TENM2: variants seen among roughly 807,000 people sequenced by gnomAD.
The protein encoded by TENM2 is teneurin-2.
A neutral mutation model predicts 245.2 loss-of-function variants in TENM2; 52 were observed. The observed-to-expected ratio is 0.21, with a 90% confidence interval of 0.17 to 0.27. TENM2 has a LOEUF of 0.27. Ranked by LOEUF, TENM2 falls within the 10% of genes least tolerant of loss-of-function variation. The probability of loss-of-function intolerance (pLI) is 1.00; values close to 1 mark genes in which losing one functional copy is unlikely to be tolerated. For synonymous variants in TENM2, 1,363 were observed against 1,438.9 expected, an observed-to-expected ratio of 0.95 and a Z score of 1.19; for missense variants, 3,046 against 3,666.8, an observed-to-expected ratio of 0.83 and a Z score of 4.37.
chr5:167,250,283 T>A, the TENM2 span, among the ~76,000 whole-genome samples: 2 of 151,986 alleles, frequency 1.3e-5, no homozygotes, highest in East Asian at 3.9e-4. Flanking sequence ...ATACTGCCAC[T>A]GCACTCCAGC....
At chr5:167,770,086 G>T (rs7736522) in intron 2 of TENM2, among the ~76,000 whole-genome samples, 4,607 of 152,244 alleles carry the variant, frequency 0.03, 252 homozygotes, top group African/African-American at 0.11. Flanking sequence ...ATTGCATCAG[G>T]ATAGCACTAA....
At chr5:167,321,114 A>G (rs999961440) in intron 1 of TENM2, among the ~76,000 whole-genome samples, 3 of 152,210 alleles carry the variant, frequency 2.0e-5, no homozygotes, top group Non-Finnish European at 4.4e-5. Context: ...AAATTGCTAG[A>G]TAAGTCAGAA....
exon 10 of TENM2, chr5:168,118,475 A>G (rs1795246275): frequency 3.2e-6 from 5 of 1,546,570 alleles, no homozygotes; most frequent in East Asian, 2.3e-5. Flanking sequence ...AAAGGCGAGC[A>G]CTGTGAGGAA....
chr5:167,771,631 A>G (rs966686125), intron 2 of TENM2, among the ~76,000 whole-genome samples: 6 of 152,188 alleles, frequency 3.9e-5, no homozygotes, highest in African/African-American at 1.4e-4. Flanking sequence ...ATTCATAGGC[A>G]ACAGTCTCAT....
At chr5:167,845,165 T>C (rs1046809659) in intron 2 of TENM2, among the ~76,000 whole-genome samples, 2 of 151,982 alleles carry the variant, frequency 1.3e-5, no homozygotes, top group South Asian at 2.1e-4. Context: ...CACAGACGTT[T>C]TTGTTTTAAT....
intron 2 of TENM2, among the ~76,000 whole-genome samples, chr5:167,515,779 C>T (rs987015853): frequency 2.0e-5 from 3 of 149,234 alleles, no homozygotes; most frequent in African/African-American, 7.4e-5. Flanking sequence ...CATTCTCCTG[C>T]CTCAGCCTCC....
chr5:167,132,429 G>A, the TENM2 span, among the ~76,000 whole-genome samples: 929 of 152,256 alleles, frequency 6.1e-3, 4 homozygotes, highest in Non-Finnish European at 0.01. Context: ...GGGAGAGAGA[G>A]AGTGAGATGG....
chr5:167,984,542 G>A (rs1291744497), intron 4 of TENM2, among the ~76,000 whole-genome samples: 1 of 152,122 alleles, frequency 6.6e-6, no homozygotes, highest in Admixed American at 6.6e-5. Flanking sequence ...TGTAACCCCA[G>A]CTACTTGGGA....
At position 167,334,008 on chromosome 5, in the gene TENM2, T is replaced by C. The variant is rs142142040; in HGVS notation, c.227-41190T>C. Among the ~76,000 whole-genome samples, 89 of 152,342 alleles carry C rather than the reference T, an allele frequency of 5.8e-4. 1 individual carries two copies. The highest frequency in any genetic ancestry group is 1.9e-3 in the African/African-American group (77 of 41,582). The stretch of plus-strand genomic sequence containing the variant: ...GTATTTTGTAACTAAATATATAGCA[T>C]GTAAATATTTAAATAAGAATACACT... On this transcript the variant is annotated intron_variant, in intron 1 of 28. Coordinates refer to ENST00000518659, the Ensembl canonical transcript of TENM2.
chr5:167,413,132 A>G (rs979541610), intron 2 of TENM2, among the ~76,000 whole-genome samples: 18 of 152,016 alleles, frequency 1.2e-4, no homozygotes, highest in African/African-American at 7.2e-5. Context: ...ACCCTGGTTT[A>G]TTTATTTATT....
chr5:167,156,419 G>A, the TENM2 span, among the ~76,000 whole-genome samples: 2 of 152,106 alleles, frequency 1.3e-5, no homozygotes, highest in Non-Finnish European at 2.9e-5. Flanking sequence ...TGGTAAAAGT[G>A]GCATTTAAAA....
chr5:167,757,522 T>C (rs1253095957), intron 2 of TENM2, among the ~76,000 whole-genome samples: 1 of 152,218 alleles, frequency 6.6e-6, no homozygotes, highest in Non-Finnish European at 1.5e-5. Flanking sequence ...TGCAAGTCTT[T>C]GCTATTGTGA....
At chr5:167,813,636 A>G (rs1766811441) in intron 2 of TENM2, among the ~76,000 whole-genome samples, 1 of 152,038 alleles carries the variant, frequency 6.6e-6, no homozygotes, top group Admixed American at 6.6e-5. Flanking sequence ...GAAGCCTTCA[A>G]CCACTGGCCC....
intron 3 of TENM2, among the ~76,000 whole-genome samples, chr5:167,884,114 C>T (rs1774094822): frequency 6.6e-6 from 1 of 152,178 alleles, no homozygotes; most frequent in South Asian, 2.1e-4. Flanking sequence ...TCTACAAGTC[C>T]TAAAGCTGTT....
intron 2 of TENM2, among the ~76,000 whole-genome samples, chr5:167,746,550 T>C (rs1761576527): frequency 6.6e-6 from 1 of 152,144 alleles, no homozygotes; most frequent in Non-Finnish European, 1.5e-5. Flanking sequence ...TGGAACCAAC[T>C]GCACATATAA....
intron 27 of TENM2, among the ~76,000 whole-genome samples, chr5:168,255,143 T>A (rs1444343881): frequency 6.6e-6 from 1 of 152,102 alleles, no homozygotes; most frequent in Non-Finnish European, 1.5e-5. Flanking sequence ...TGGTGAAAGA[T>A]GGGACGATTT....
intron 5 of TENM2, among the ~76,000 whole-genome samples, chr5:168,022,052 T>A (rs17069636): frequency 0.019 from 2,843 of 152,358 alleles, 222 homozygotes; most frequent in East Asian, 0.16. Context: ...AATTAAGTGA[T>A]CATTTTAGGA....
intron 3 of TENM2, among the ~76,000 whole-genome samples, chr5:167,907,071 A>G (rs1160846003): frequency 6.6e-6 from 1 of 152,032 alleles, no homozygotes; most frequent in African/African-American, 2.4e-5. Context: ...CATCTCTACT[A>G]AAAATACAAA....
chr5:167,961,792 C>A (rs190653675), intron 4 of TENM2, among the ~76,000 whole-genome samples: 1 of 152,228 alleles, frequency 6.6e-6, no homozygotes, highest in East Asian at 1.9e-4. Flanking sequence ...AACTATGAGC[C>A]ATGTTGGATG....
Sources: gnomAD v4.1 joint callset for allele counts (sites outside exome capture counted in the v4.1 genomes callset) on GRCh38, gnomAD v4.1.1 for gene constraint, MANE v1.5 for transcripts, NCBI Gene and HGNC (gene_info 2026-07-23, HGNC 2026-07-21) for gene names.